Variants in SLC52A3 observed in about 807,000 individuals in gnomAD.
SLC52A3 encodes solute carrier family 52 member 3, also known as solute carrier family 52, riboflavin transporter, member 3.
Under a neutral mutation model 29.5 loss-of-function variants are expected in SLC52A3, and 20 were observed. The observed-to-expected ratio is 0.68, with a 90% CI of 0.48 to 0.99. SLC52A3 has a LOEUF of 0.99. SLC52A3 is among the 50% of genes least tolerant of loss of function. The pLI is 0.00. For missense variants in SLC52A3, 548 were observed against 612.9 expected (o/e 0.89, Z 1.12); for synonymous variants, 301 against 271.0 (o/e 1.11, Z -1.09).
intron 1 of SLC52A3, among the ~76,000 whole-genome samples, chr20:766,536 T>C (rs1986690644): frequency 6.6e-6 from 1 of 152,142 alleles, no homozygotes; most frequent in South Asian, 2.1e-4. Context: ...ACTGATGATA[T>C]TACCTTGTGA....
In SLC52A3 at chr20:763,678, G is replaced by A. The variant is rs543436922; in HGVS notation, c.893C>T (p.Ala298Val). The A allele has an allele frequency of 1.1e-5, 17 of 1,614,058 alleles. No homozygotes were observed. Among genetic ancestry groups the A allele is most frequent in the East Asian group, 2.2e-5 (1 of 44,890 alleles). The change falls in exon 3 of 5, where the codon GCG (alanine) becomes GTG (valine). Residue 298 changes from alanine (A) to valine (V), a missense_variant. Physicochemically the swap from Ala to Val is moderately conservative, Grantham distance 64 (BLOSUM62 0). Around this residue, in one of 2 missense-constraint regions of SLC52A3, gnomAD observed 375 missense variants for 471.1 expected, o/e 0.80. Transcript: ENST00000645534. ...LEEKAAPCCP[A>V]HLAFIYTLVA... Reference sequence around the variant, plus strand: ...CAGGGTATAGATGAAGGCCAGGTGCGCCGGGCAGCAGGGGGCTGCTTTCTC... The same window carrying A: ...CAGGGTATAGATGAAGGCCAGGTGCACCGGGCAGCAGGGGGCTGCTTTCTC...
intron 4 of SLC52A3, 114 bp from the exon 5 acceptor site, chr20:761,352 G>A: frequency 8.2e-7 from 1 of 1,217,414 alleles, no homozygotes; most frequent in Non-Finnish European, 1.1e-6. Flanking sequence ...TAGGTGCGAG[G>A]AGCGCCTTCT....
upstream of SLC52A3, among the ~76,000 whole-genome samples, chr20:776,283 C>A (rs1299958155): frequency 6.6e-6 from 1 of 152,192 alleles, no homozygotes; most frequent in Non-Finnish European, 1.5e-5. Flanking sequence ...TCCTTTCACA[C>A]AGGAAGAGAG....
chr20:774,892 G>A (rs958366166), intron 1 of SLC52A3, among the ~76,000 whole-genome samples: 10 of 152,218 alleles, frequency 6.6e-5, no homozygotes, highest in African/African-American at 2.2e-4. Context: ...TGTGCTCACC[G>A]GCTGTGCAAC....
upstream of SLC52A3, among the ~76,000 whole-genome samples, chr20:772,915 T>C (rs896757285): frequency 4.6e-5 from 7 of 152,134 alleles, no homozygotes; most frequent in Admixed American, 3.9e-4. Flanking sequence ...GAAAAGGCCC[T>C]GGGGTGCGGC....
rs535368648 is a variant in SLC52A3, at chr20:763,612, G to C, written c.959C>G (p.Ser320Cys). Residue 320 changes from serine to cysteine, a missense_variant, in exon 3 of 5, where the codon TCT (serine) becomes TGT (cysteine). Physicochemically the swap from Ser to Cys is moderately radical, Grantham distance 112 (BLOSUM62 -1). Transcript: ENST00000645534. Reference protein sequence around the residue: ...VNALTNGMLPSVQTYSCLSYG... With the variant: ...VNALTNGMLPCVQTYSCLSYG... Reference sequence around the variant, plus strand: ...GGACAGGCAGGAGTAGGTCTGCACAGAGGGCAGCATGCCGTTGGTGAGCGC... The same window carrying C: ...GGACAGGCAGGAGTAGGTCTGCACACAGGGCAGCATGCCGTTGGTGAGCGC... The C allele has an allele frequency of 4.3e-6, 7 of 1,614,240 alleles. 1 individual carries two copies. The African/African-American group carries it at 6.7e-5, about 15-fold the overall frequency.
chr20:769,778 T>C (rs1986793189), upstream of SLC52A3, among the ~76,000 whole-genome samples: 1 of 151,912 alleles, frequency 6.6e-6, no homozygotes, highest in African/African-American at 2.4e-5. Context: ...ACACCTGTAA[T>C]CCCAGCTACT....
At chr20:775,041 G>T (rs372561066) in intron 1 of SLC52A3, among the ~76,000 whole-genome samples, 1 of 152,140 alleles carries the variant, frequency 6.6e-6, no homozygotes, top group African/African-American at 2.4e-5. Flanking sequence ...CAGTAGAAGC[G>T]GACAGTGAGT....
At chr20:775,520 T>G (rs564512599) in intron 1 of SLC52A3, among the ~76,000 whole-genome samples, 1 of 152,222 alleles carries the variant, frequency 6.6e-6, no homozygotes, top group South Asian at 2.1e-4. Context: ...GCTCAAGCGA[T>G]TCACCTGCCT....
upstream of SLC52A3, among the ~76,000 whole-genome samples, chr20:769,979 T>C (rs1283568881): frequency 6.6e-6 from 1 of 152,186 alleles, no homozygotes; most frequent in African/African-American, 2.4e-5. Flanking sequence ...CCAGCCTTCT[T>C]TGTAGCTGCA....
chr20:774,224 G>A (rs1467505376), intron 1 of SLC52A3, among the ~76,000 whole-genome samples: 1 of 152,222 alleles, frequency 6.6e-6, no homozygotes, highest in East Asian at 1.9e-4. Context: ...GAGGAAACCC[G>A]CCTCAGCTAT....
chr20:766,786 G>A lies in SLC52A3; in HGVS notation c.-51-961C>T, dbSNP rs538274913. ...TGTTTGATGGTCTCTTCACATGGACGCGCGTGACATTCCTAATATATAAAG... is the reference window on the plus strand; with the variant it reads ...TGTTTGATGGTCTCTTCACATGGACACGCGTGACATTCCTAATATATAAAG... On this transcript the variant is annotated intron_variant, in intron 1 of 4. Coordinates refer to ENST00000645534, the MANE Select transcript of SLC52A3 (RefSeq NM_033409.4). 1.9e-4 allele frequency among the ~76,000 whole-genome samples: 29 copies of A among 152,306 alleles called. No individual in the cohort carries two copies. The East Asian group carries it at 3.3e-3, about 17-fold the overall frequency.
At position 761,085 on chromosome 20, in the gene SLC52A3, C is replaced by T; in HGVS notation, c.1351G>A (p.Val451Ile). The T allele has an allele frequency of 6.2e-7, 1 of 1,609,782 alleles. No homozygotes were observed. Among genetic ancestry groups the T allele is most frequent in the Middle Eastern group, 1.7e-4 (1 of 6,016 alleles). The change falls in exon 5 of 5, where the codon GTC (valine) becomes ATC (isoleucine). Residue 451 changes from valine (V) to isoleucine (I), a missense_variant. Around this residue, in one of 2 missense-constraint regions of SLC52A3, gnomAD observed 173 missense variants for 141.8 expected, o/e 1.22. Transcript: ENST00000645534. ...LLGALLMFPLVNVLRLFSSAD... is the reference protein window; with the variant it reads ...LLGALLMFPLINVLRLFSSAD... ...GACGAGAAGAGCCGCAGCACGTTGA[C>T]CAGAGGGAACATGAGCAGCGCTCCG...
upstream of SLC52A3, among the ~76,000 whole-genome samples, chr20:769,925 G>T (rs1021786144): frequency 2.6e-5 from 4 of 152,044 alleles, no homozygotes; most frequent in Non-Finnish European, 2.9e-5. Context: ...AAAAGGCGCA[G>T]TTTTTGTTAG....
rs6054589 is a variant in SLC52A3 at position 761,595 on chromosome 20, T to C, written c.1197+106A>G. ...CCCCACCTGGGGCTTCCCGGGAGGGTCCCACAGACCCCGCTCGCTGGAAAG... is the reference window on the plus strand; with the variant it reads ...CCCCACCTGGGGCTTCCCGGGAGGGCCCCACAGACCCCGCTCGCTGGAAAG... On this transcript the variant is annotated intron_variant, in intron 4 of 4. Coordinates refer to ENST00000645534, the MANE Select transcript of SLC52A3 (RefSeq NM_033409.4). The C allele has an allele frequency of 0.85, 1,295,687 of 1,532,270 alleles. 549,064 individuals carry two copies. Among genetic ancestry groups the C allele is most frequent in the East Asian group, 1 (42,443 of 42,502 alleles). 94.9% of individuals were successfully genotyped at this position (1,532,270 alleles called of 1,614,324 possible). A position where few individuals can be genotyped will look rare whatever the true frequency, so the allele number is the denominator to read the frequency against.
rs527934848 is a variant in SLC52A3 at position 764,339 on chromosome 20, GACTT to G, written c.568-340_568-337del. ...AGCCAGACTCCACCTGGTGCTTTCT[GACTT>G]GGAAGCTACACCTTTTATCACCCCA... is the stretch of plus-strand genomic sequence containing the variant. On this transcript the variant is annotated intron_variant, in intron 2 of 4. Coordinates refer to ENST00000645534, the MANE Select transcript of SLC52A3 (RefSeq NM_033409.4). Among the ~76,000 whole-genome samples the G allele has an allele frequency of 9.8e-5, 15 of 152,302 alleles. No individual in the cohort carries two copies. In the South Asian group the frequency reaches 3.1e-3, roughly 32 times the overall value.
upstream of SLC52A3, among the ~76,000 whole-genome samples, chr20:778,575 G>A (rs1987131018): frequency 6.6e-6 from 1 of 152,134 alleles, no homozygotes; most frequent in Non-Finnish European, 1.5e-5. Context: ...AACCATGAAA[G>A]GTGGAGGGAA....
chr20:779,373 G>A (rs1987151327), upstream of SLC52A3, among the ~76,000 whole-genome samples: 2 of 152,222 alleles, frequency 1.3e-5, no homozygotes. Context: ...TGTAATCCCA[G>A]CACTTTGGGA....
chr20:761,159 C>G lies in SLC52A3; in HGVS notation c.1277G>C (p.Arg426Pro), dbSNP rs1986456468. The G allele has an allele frequency of 1.3e-6, 2 of 1,580,484 alleles. No homozygotes were observed. Among genetic ancestry groups the G allele is most frequent in the South Asian group, 2.3e-5 (2 of 86,576 alleles). ...MLGVVLRDLS[R>P]SALLWCGAAV... is the part of the protein sequence containing the mutation. ...CGCCCCGCACCACAAGAGGGCGCTGCGGCTGAGGTCGCGCAGGACCACGCC... is the reference window on the plus strand; with the variant it reads ...CGCCCCGCACCACAAGAGGGCGCTGGGGCTGAGGTCGCGCAGGACCACGCC... The change falls in exon 5 of 5, where the codon CGC becomes CCC. Residue 426 changes from arginine to proline, a missense_variant. Arg to Pro is a moderately radical substitution (Grantham distance 103, BLOSUM62 -2). Transcript: ENST00000645534.
Sources: allele counts gnomAD v4.1 joint callset (sites outside exome capture counted in the v4.1 genomes callset), GRCh38; gene constraint gnomAD v4.1.1; regional missense constraint gnomAD v4.1.1; transcripts MANE v1.5; gene names NCBI Gene and HGNC (gene_info 2026-07-23, HGNC 2026-07-21).